Variants in RASAL2 observed in about 807,000 individuals in gnomAD.
The protein encoded by RASAL2 is RAS protein activator like 2.
A neutral mutation model predicts 128.9 loss-of-function variants in RASAL2; 58 were observed. That is an observed-to-expected ratio of 0.45 (90% confidence interval 0.36 to 0.56). The LOEUF is 0.56. Among genes scored for constraint, RASAL2 ranks in the 20% least tolerant of loss-of-function variants. The probability of loss-of-function intolerance (pLI) is 0.00; values close to 1 mark genes in which losing one functional copy is unlikely to be tolerated. For synonymous variants in RASAL2, 561 were observed against 580.8 expected (o/e 0.97, Z 0.49); for missense variants, 1,360 against 1,601.6 (o/e 0.85, Z 2.57).
At chr1:178,464,662 G>A (rs1333861459) in intron 15 of RASAL2, among the ~76,000 whole-genome samples, 1 of 150,632 alleles carries the variant, frequency 6.6e-6, no homozygotes. Context: ...TTTTTTTAAT[G>A]TAGATGCCTT....
At position 178,355,242 on chromosome 1, in the gene RASAL2, T is replaced by C. The variant is rs111619569; in HGVS notation, c.458-34858T>C. 3.7e-3 allele frequency among the ~76,000 whole-genome samples: 559 copies of C among 152,338 alleles called. 2 individuals carry two copies. Among genetic ancestry groups the C allele is most frequent in the African/African-American group, 0.013 (520 of 41,582 alleles). On this transcript the variant is annotated intron_variant, in intron 3 of 17. Coordinates refer to ENST00000367649, the MANE Select transcript of RASAL2 (RefSeq NM_170692.4). ...CTCTGTCAGCTATTAAGGCTCTTTA[T>C]AAAACTATATTAATTGAGACAAAGT...
At chr1:178,399,375 G>A (rs773348036) in intron 4 of RASAL2, among the ~76,000 whole-genome samples, 23 of 152,214 alleles carry the variant, frequency 1.5e-4, no homozygotes, top group South Asian at 1.0e-3. Flanking sequence ...TTGGGTGGGC[G>A]GGGGAGGGGC....
At chr1:178,438,522 T>G (rs1676402500) in intron 5 of RASAL2, among the ~76,000 whole-genome samples, 1 of 151,942 alleles carries the variant, frequency 6.6e-6, no homozygotes, top group African/African-American at 2.4e-5. Flanking sequence ...GCCATCCAGT[T>G]TGGGATTCAA....
intron 1 of RASAL2, among the ~76,000 whole-genome samples, chr1:178,224,738 A>G (rs1282780347): frequency 1.3e-5 from 2 of 152,182 alleles, no homozygotes; most frequent in Non-Finnish European, 2.9e-5. Context: ...AATAAAATAG[A>G]ATATTCGTAT....
chr1:178,113,511 AGTGTGTGTGTGTGTGTGT>A lies in RASAL2; in HGVS notation c.202+18854_202+18871del, dbSNP rs61642582. ...ATGTGTGTGGGCATGCATGCCTGCG[AGTGTGTGTGTGTGTGTGT>A]GTGTGTGTGTGTGTGTGTGTGTGTG... is the stretch of plus-strand genomic sequence containing the variant. On this transcript the variant is annotated intron_variant, in intron 1 of 17. Transcript: ENST00000367649. Among the ~76,000 whole-genome samples the A allele has an allele frequency of 9.8e-4, 120 of 122,266 alleles. 1 individual carries two copies. Among genetic ancestry groups the A allele is most frequent in the South Asian group, 1.6e-3 (5 of 3,040 alleles). The allele number at this position is 122,266 out of a possible 152,430, so 80.2% of individuals were successfully genotyped here. A position where few individuals can be genotyped will look rare whatever the true frequency, so the allele number is the denominator to read the frequency against.
intron 1 of RASAL2, among the ~76,000 whole-genome samples, chr1:178,162,715 G>A (rs1245335236): frequency 6.7e-6 from 1 of 149,838 alleles, no homozygotes; most frequent in Non-Finnish European, 1.5e-5. Context: ...AGCCTCTCAA[G>A]TAGCTAGGAT....
intron 1 of RASAL2, among the ~76,000 whole-genome samples, chr1:178,237,761 G>A (rs1008183306): frequency 6.6e-6 from 1 of 152,044 alleles, no homozygotes; most frequent in Non-Finnish European, 1.5e-5. Flanking sequence ...CCATTTTTAG[G>A]TGTACAGTTC....
chr1:178,180,485 C>CAAAAAAAAAAAA (rs71108033), intron 1 of RASAL2, among the ~76,000 whole-genome samples: 1 of 72,560 alleles, frequency 1.4e-5, no homozygotes, highest in African/African-American at 5.2e-5. Flanking sequence ...TCATCTCTAC[C>CAAAAAAAAAAAA]AAAAAAAAAA....
chr1:178,333,648 G>A (rs1669451240), intron 3 of RASAL2, among the ~76,000 whole-genome samples: 1 of 152,138 alleles, frequency 6.6e-6, no homozygotes, highest in South Asian at 2.1e-4. Flanking sequence ...CAAGCCATAT[G>A]CTGAGTTTAC....
intron 3 of RASAL2, among the ~76,000 whole-genome samples, chr1:178,341,909 A>G (rs1669903036): frequency 1.3e-5 from 2 of 152,204 alleles, no homozygotes; most frequent in African/African-American, 2.4e-5. Context: ...ATAATATGAA[A>G]TGGGTCCTTA....
intron 1 of RASAL2, among the ~76,000 whole-genome samples, chr1:178,245,055 A>C (rs1664707987): frequency 6.6e-6 from 1 of 152,138 alleles, no homozygotes; most frequent in Non-Finnish European, 1.5e-5. Context: ...ATATGTCTTT[A>C]TAGTAGAATG....
intron 1 of RASAL2, chr1:178,123,833 C>G (rs907381187): frequency 6.6e-5 from 10 of 152,380 alleles, no homozygotes; most frequent in African/African-American, 2.4e-4. Context: ...CCATGATGCC[C>G]CACTGATTTT....
At chr1:178,356,735 G>T (rs1297196824) in intron 3 of RASAL2, among the ~76,000 whole-genome samples, 1 of 152,140 alleles carries the variant, frequency 6.6e-6, no homozygotes, top group Non-Finnish European at 1.5e-5. Flanking sequence ...AAGGAATTGG[G>T]ATCAGGATGG....
At chr1:178,321,375 C>T (rs1668769740) in intron 3 of RASAL2, among the ~76,000 whole-genome samples, 1 of 152,236 alleles carries the variant, frequency 6.6e-6, no homozygotes, top group Non-Finnish European at 1.5e-5. Context: ...CGTGAGCCAC[C>T]GCGCCCCGCC....
chr1:178,135,344 A>G (rs996412514), intron 1 of RASAL2, among the ~76,000 whole-genome samples: 7 of 152,010 alleles, frequency 4.6e-5, no homozygotes, highest in African/African-American at 1.7e-4. Flanking sequence ...TATACTTTCT[A>G]TTTTCATCTA....
chr1:178,315,641 G>GT (rs1450747917), intron 3 of RASAL2, among the ~76,000 whole-genome samples: 1 of 141,886 alleles, frequency 7.0e-6, no homozygotes, highest in Non-Finnish European at 1.5e-5. Flanking sequence ...GGGGTTGTTT[G>GT]TTTTTTTCTT....
At chr1:178,414,510 A>C (rs1557970759) in intron 4 of RASAL2, among the ~76,000 whole-genome samples, 2 of 152,182 alleles carry the variant, frequency 1.3e-5, no homozygotes, top group South Asian at 2.1e-4. Flanking sequence ...CAAATATTCC[A>C]GTTTGGTAGG....
intron 3 of RASAL2, among the ~76,000 whole-genome samples, chr1:178,344,371 A>G (rs1323814968): frequency 6.6e-6 from 1 of 152,208 alleles, no homozygotes; most frequent in Non-Finnish European, 1.5e-5. Flanking sequence ...AAATATCTTC[A>G]AAGAAAAATG....
At chr1:178,193,101 C>A (rs1231711397) in intron 1 of RASAL2, among the ~76,000 whole-genome samples, 1 of 152,122 alleles carries the variant, frequency 6.6e-6, no homozygotes, top group Non-Finnish European at 1.5e-5. Context: ...AAATCTAGAT[C>A]ACGTTTGAGG....
Sources: gnomAD v4.1 joint callset for allele counts (sites outside exome capture counted in the v4.1 genomes callset) on GRCh38, gnomAD v4.1.1 for gene constraint, MANE v1.5 for transcripts, NCBI Gene and HGNC (gene_info 2026-07-23, HGNC 2026-07-21) for gene names.